Variants in CCDC186 observed in about 807,000 individuals in gnomAD.
CCDC186 encodes coiled-coil domain-containing protein 186.
Under a neutral mutation model 113.7 loss-of-function variants are expected in CCDC186, and 49 were observed. The observed-to-expected ratio is 0.43, with a 90% CI of 0.34 to 0.55. CCDC186 has a LOEUF of 0.55. CCDC186 is among the 20% of genes least tolerant of loss of function. CCDC186 has a pLI of 0.02. For synonymous variants in CCDC186, 355 were observed against 345.8 expected, an observed-to-expected ratio of 1.03 and a Z score of -0.30; for missense variants, 890 against 1,011.1, an observed-to-expected ratio of 0.88 and a Z score of 1.62.
chr10:114,150,947 G>T, intron 4 of CCDC186, 145 bp downstream of exon 4: 2 of 915,590 alleles, frequency 2.2e-6, no homozygotes, highest in Non-Finnish European at 1.5e-6. Context: ...CACCACGTCT[G>T]GCCTAATGGC....
At chr10:114,173,923 C>T in intron 1 of CCDC186, 92 bp downstream of exon 1, 1 of 422,206 alleles carries the variant, frequency 2.4e-6, no homozygotes. Flanking sequence ...GCCCCCGCCA[C>T]GGAACGTGCA....
Position 114,121,001 on chromosome 10 carries a change from C to G in CCDC186, c.*4142G>C, listed in dbSNP as rs941204468. On this transcript the variant is annotated 3_prime_UTR_variant, in exon 16 of 16. Coordinates refer to ENST00000369287, the MANE Select transcript of CCDC186 (RefSeq NM_018017.4). ...TATCTGTACAATACACACACACACA[C>G]ATATATATATGTCCTCTGGAAGATA... 1.3e-5 allele frequency: 2 copies of G among 152,000 alleles called. No individual in the cohort carries two copies. The highest frequency in any genetic ancestry group is 2.9e-5 in the Non-Finnish European group (2 of 67,976). The allele number at this position is 152,000 out of a possible 1,614,324, so 9.4% of individuals were successfully genotyped here.
Position 114,132,070 on chromosome 10 carries a change from C to T in CCDC186, c.1770G>A (p.Leu590=), listed in dbSNP as rs368996497. The T allele has an allele frequency of 8.7e-6, 14 of 1,613,560 alleles. No individual in the cohort carries two copies. The East Asian group carries it at 2.2e-4, about 26-fold the overall frequency. ...GSRKRESELL[L]FTERLTSKNA... ...TCTTACTAGTGAGCCTTTCTGTAAA[C>T]AGCAGCAGCTCAGATTCTCTTTTCC... The change falls in exon 11 of 16, where the codon CTG becomes CTA. Residue 590 remains leucine (L), a synonymous_variant. Coordinates refer to ENST00000369287, the MANE Select transcript of CCDC186 (RefSeq NM_018017.4).
At position 114,131,310 on chromosome 10, in the gene CCDC186, T is replaced by G; in HGVS notation, c.1938A>C (p.Glu646Asp). ...NLESRLLKEE[E>D]LRKEEVQTLQ... Reference sequence around the variant, plus strand: ...GAGTTTGGACTTCCTCTTTTCGCAGTTCTTCCTCTTTCAACAACCTACTTT... The same window carrying G: ...GAGTTTGGACTTCCTCTTTTCGCAGGTCTTCCTCTTTCAACAACCTACTTT... Residue 646 changes from glutamate to aspartate, a missense_variant, in exon 12 of 16, where the codon GAA (glutamate) becomes GAC (aspartate). By Grantham distance (45) the Glu-to-Asp change is conservative. Transcript: ENST00000369287. 6.3e-7 allele frequency: 1 copy of G among 1,587,114 alleles called. No homozygotes were observed. Among genetic ancestry groups the G allele is most frequent in the South Asian group, 1.2e-5 (1 of 85,942 alleles).
intron 6 of CCDC186, among the ~76,000 whole-genome samples, chr10:114,141,636 CACACACACGCACGCACACACAT>C (rs1386095986): frequency 1.3e-5 from 2 of 152,128 alleles, no homozygotes; most frequent in Non-Finnish European, 2.9e-5. Context: ...TTAACACACA[CACACACACGCACGCACACACAT>C]ACACGCACGC....
intron 2 of CCDC186, among the ~76,000 whole-genome samples, chr10:114,159,640 CAAAAA>C (rs34339225): frequency 1.1e-4 from 6 of 55,492 alleles, no homozygotes; most frequent in East Asian, 7.2e-4. Context: ...GACTCCGTCT[CAAAAA>C]AAAAAAAAAA....
chr10:114,128,231 G>A (rs2030975488), intron 13 of CCDC186, among the ~76,000 whole-genome samples: 1 of 152,152 alleles, frequency 6.6e-6, no homozygotes, highest in South Asian at 2.1e-4. Context: ...AAGGCATATA[G>A]TAAGCATTAT....
Position 114,163,182 on chromosome 10 carries a change from C to G in CCDC186, c.87G>C (p.Leu29Phe). 1 of 1,613,992 alleles carries G rather than the reference C, an allele frequency of 6.2e-7. No homozygotes were observed. The highest frequency in any genetic ancestry group is 8.5e-7 in the Non-Finnish European group (1 of 1,179,982). Residue 29 changes from leucine to phenylalanine, a missense_variant, in exon 2 of 16, where the codon TTG (leucine) becomes TTC (phenylalanine). Coordinates refer to ENST00000369287, the MANE Select transcript of CCDC186 (RefSeq NM_018017.4). ...ATTTGCTGCTTTCATTGCCAGAAAA[C>G]AAGTTGCATGAGTCTTCCTTTAATT... Reference protein sequence around the residue: ...TPELKEDSCNLFSGNESSKLE... With the variant: ...TPELKEDSCNFFSGNESSKLE...
chr10:114,143,784 AC>A (rs2031550570), intron 6 of CCDC186, among the ~76,000 whole-genome samples: 1 of 152,166 alleles, frequency 6.6e-6, no homozygotes, highest in Non-Finnish European at 1.5e-5. Context: ...GTTTGTGAAA[AC>A]CTGGAAACTG....
intron 4 of CCDC186, 138 bp from the exon 5 acceptor site, chr10:114,145,899 A>G: frequency 1.3e-6 from 1 of 752,608 alleles, no homozygotes; most frequent in Non-Finnish European, 2.0e-6. Context: ...TTGTGCCATG[A>G]AATTTTAAAA....
At chr10:114,128,712 T>C (rs1166960125) in intron 13 of CCDC186, among the ~76,000 whole-genome samples, 1 of 152,236 alleles carries the variant, frequency 6.6e-6, no homozygotes. Flanking sequence ...CAAACACTGA[T>C]ATTTTGCTAA....
intron 1 of CCDC186, among the ~76,000 whole-genome samples, chr10:114,169,040 C>T (rs764351760): frequency 3.9e-5 from 6 of 152,000 alleles, no homozygotes; most frequent in Admixed American, 6.6e-5. Flanking sequence ...TTTTATTCTT[C>T]GTGTTTTACT....
In CCDC186 at chr10:114,132,052, A is replaced by G. The variant is rs761321734; in HGVS notation, c.1788T>C (p.Thr596=). 4 of 1,613,508 alleles carry G rather than the reference A, an allele frequency of 2.5e-6. No homozygotes were observed. The highest frequency in any genetic ancestry group is 1.3e-5 in the African/African-American group (1 of 74,928). The part of the protein sequence containing the change: ...SELLLFTERL[T]SKNAQLQSES... The stretch of plus-strand genomic sequence containing the variant: ...CAGACTGAAGCTGTGCATTCTTACT[A>G]GTGAGCCTTTCTGTAAACAGCAGCA... The change falls in exon 11 of 16, where the codon ACT becomes ACC. Residue 596 remains threonine (T), a synonymous_variant. Transcript: ENST00000369287.
rs17091403 is a variant in CCDC186, at chr10:114,174,146, C to T, written c.-193G>A. ...AGACCGCGGTGAGAAACACAGCCGA[C>T]GCCTCACTCAGCGGCCGTTTCCCCA... On this transcript the variant is annotated 5_prime_UTR_variant, in exon 1 of 16. Coordinates refer to ENST00000369287, the MANE Select transcript of CCDC186 (RefSeq NM_018017.4). 0.077 allele frequency: 36,243 copies of T among 470,688 alleles called. 1,737 individuals are homozygous for T. The highest frequency in any genetic ancestry group is 0.1 in the Non-Finnish European group (23,196 of 226,172). 29.2% of individuals were successfully genotyped at this position (470,688 alleles called of 1,614,324 possible).
intron 3 of CCDC186, among the ~76,000 whole-genome samples, chr10:114,157,297 C>T (rs1242514514): frequency 6.6e-6 from 1 of 151,478 alleles, no homozygotes; most frequent in African/African-American, 2.4e-5. Context: ...GATCCACCCA[C>T]CTCAGCCTCC....
At chr10:114,171,446 G>A (rs1413369694) in intron 1 of CCDC186, among the ~76,000 whole-genome samples, 1 of 152,092 alleles carries the variant, frequency 6.6e-6, no homozygotes. Context: ...AGCTACTCAG[G>A]AGGCTAAGGC....
chr10:114,156,401 G>A (rs912096576), intron 3 of CCDC186, among the ~76,000 whole-genome samples: 1 of 152,190 alleles, frequency 6.6e-6, no homozygotes, highest in African/African-American at 2.4e-5. Context: ...TCACTTTGTT[G>A]ATTCATGCAT....
At chr10:114,169,760 G>A (rs939332360) in intron 1 of CCDC186, among the ~76,000 whole-genome samples, 3 of 152,178 alleles carry the variant, frequency 2.0e-5, no homozygotes, top group African/African-American at 7.2e-5. Flanking sequence ...GATTGATATT[G>A]TAATTAATGT....
chr10:114,136,944 C>A (rs1469730564), intron 7 of CCDC186, among the ~76,000 whole-genome samples: 2 of 151,948 alleles, frequency 1.3e-5, no homozygotes, highest in Non-Finnish European at 2.9e-5. Context: ...TAGTGAAACC[C>A]CCTCTCTACT....
Sources: allele counts gnomAD v4.1 joint callset (sites outside exome capture counted in the v4.1 genomes callset), GRCh38; gene constraint gnomAD v4.1.1; transcripts MANE v1.5; gene names NCBI Gene and HGNC (gene_info 2026-07-23, HGNC 2026-07-21).